TM2D1: variants seen among roughly 807,000 people sequenced by gnomAD.
TM2D1 encodes the protein TM2 domain containing 1, also known as TM2 domain-containing protein 1.
TM2D1 carries 15 observed loss-of-function variants against 28.4 expected under a neutral mutation model. The ratio of observed to expected loss-of-function variants is 0.53; its 90% CI spans 0.35 to 0.81. The LOEUF is 0.81. TM2D1 is among the 40% of genes least tolerant of loss of function. The pLI, the probability that TM2D1 is intolerant of heterozygous loss-of-function variation, is 0.01. For missense variants in TM2D1, 236 were observed against 254.9 expected, an observed-to-expected ratio of 0.93 and a Z score of 0.50; for synonymous variants, 93 against 96.2, an observed-to-expected ratio of 0.97 and a Z score of 0.20.
At chr1:61,705,484 C>T (rs1244093812) in intron 3 of TM2D1, among the ~76,000 whole-genome samples, 3 of 152,128 alleles carry the variant, frequency 2.0e-5, no homozygotes, top group Admixed American at 6.6e-5. Context: ...CCACACCTGG[C>T]TCATTTCTCT....
At chr1:61,696,589 G>A (rs963237893) in intron 4 of TM2D1, among the ~76,000 whole-genome samples, 1 of 151,462 alleles carries the variant, frequency 6.6e-6, no homozygotes, top group East Asian at 1.9e-4. Context: ...AGAATATTAA[G>A]TATAGTCCCT....
chr1:61,724,263 T>G, intron 1 of TM2D1: 1 of 152,430 alleles, frequency 6.6e-6, no homozygotes, highest in Non-Finnish European at 1.5e-5. Flanking sequence ...GTAAACCCCG[T>G]CTCTACTAAA....
At chr1:61,704,601 T>C (rs760034320) in intron 3 of TM2D1, among the ~76,000 whole-genome samples, 72 of 151,942 alleles carry the variant, frequency 4.7e-4, no homozygotes, top group Non-Finnish European at 1.8e-4. Context: ...CCGGCTAATG[T>C]TTGTATTTTC....
At chr1:61,699,465 G>A (rs1013421288) in intron 4 of TM2D1, 3 of 152,228 alleles carry the variant, frequency 2.0e-5, no homozygotes, top group Non-Finnish European at 4.4e-5. Context: ...TTTTATAATC[G>A]GACCATAGAC....
intron 2 of TM2D1, among the ~76,000 whole-genome samples, chr1:61,713,328 A>C (rs569924580): frequency 1.8e-4 from 27 of 151,940 alleles, no homozygotes; most frequent in Admixed American, 3.9e-4. Flanking sequence ...AATACAAAAA[A>C]TTAGCCAGGC....
intron 2 of TM2D1, among the ~76,000 whole-genome samples, chr1:61,721,838 A>C (rs1644566973): frequency 6.6e-6 from 1 of 151,490 alleles, no homozygotes; most frequent in Non-Finnish European, 1.5e-5. Context: ...AGCCAGGCAC[A>C]GTGGCTCATG....
chr1:61,714,276 C>G (rs541416729), intron 2 of TM2D1, among the ~76,000 whole-genome samples: 1 of 151,396 alleles, frequency 6.6e-6, no homozygotes, highest in Admixed American at 6.6e-5. Flanking sequence ...GGCGCAGTGG[C>G]TCACACCTGT....
Position 61,708,240 on chromosome 1 carries a change from G to A in TM2D1, c.347+1089C>T, listed in dbSNP as rs182900958. Among the ~76,000 whole-genome samples, 85 of 152,092 alleles carry A rather than the reference G, an allele frequency of 5.6e-4. 1 individual carries two copies. Among genetic ancestry groups the A allele is most frequent in the African/African-American group, 2.0e-3 (81 of 41,514 alleles). ...TTTTTGTATTTTTTTGTAGAGACAG[G>A]GTCTCCCTACTTTGCCCAGGTTGGT... is the stretch of plus-strand genomic sequence containing the variant. On this transcript the variant is annotated intron_variant, in intron 3 of 6. Coordinates refer to ENST00000606498, the MANE Select transcript of TM2D1 (RefSeq NM_032027.3).
At chr1:61,690,649 A>G (rs1367749210) in intron 5 of TM2D1, among the ~76,000 whole-genome samples, 1 of 152,174 alleles carries the variant, frequency 6.6e-6, no homozygotes, top group Non-Finnish European at 1.5e-5. Flanking sequence ...GGCATACTGC[A>G]TACAGTTTCA....
chr1:61,694,001 C>T (rs1265921179), intron 5 of TM2D1, among the ~76,000 whole-genome samples: 6 of 152,160 alleles, frequency 3.9e-5, no homozygotes, highest in Admixed American at 2.6e-4. Context: ...AAACTATGCC[C>T]GCCCCCAGTC....
intron 5 of TM2D1, among the ~76,000 whole-genome samples, chr1:61,686,186 T>C (rs1644284200): frequency 6.6e-6 from 1 of 151,924 alleles, no homozygotes; most frequent in South Asian, 2.1e-4. Context: ...TACAGTATTT[T>C]TAAAGTTTTA....
chr1:61,706,607 G>A (rs1164181224), intron 3 of TM2D1, among the ~76,000 whole-genome samples: 2 of 151,740 alleles, frequency 1.3e-5, no homozygotes, highest in African/African-American at 4.8e-5. Context: ...TCAGGAGTTC[G>A]AGACCAGCCT....
At chr1:61,696,086 T>C (rs1226557818) in intron 4 of TM2D1, 1 of 152,236 alleles carries the variant, frequency 6.6e-6, no homozygotes, top group Non-Finnish European at 1.5e-5. Flanking sequence ...CTCCTTTAGT[T>C]TTTTCATTAG....
At chr1:61,697,730 T>TG (rs1184929023) in intron 4 of TM2D1, 1 of 152,350 alleles carries the variant, frequency 6.6e-6, no homozygotes, top group East Asian at 1.9e-4. Context: ...CTACTTCTTG[T>TG]CTCTCCTTGC....
Position 61,694,763 on chromosome 1 carries a change from T to G in TM2D1, c.447A>C (p.Leu149Phe). 6.3e-7 allele frequency: 1 copy of G among 1,596,012 alleles called. No individual in the cohort carries two copies. The change falls in exon 5 of 7, where the codon TTA becomes TTC. Residue 149 changes from leucine to phenylalanine, a missense_variant. Coordinates refer to ENST00000606498, the MANE Select transcript of TM2D1 (RefSeq NM_032027.3). ...FYLGYPALGL[L>F]KFCTVGFCGI... ...CACAAAACCCTACAGTGCAAAACTTTAACAAACCTAGAAAAGAAGGTAAAG... is the reference window on the plus strand; with the variant it reads ...CACAAAACCCTACAGTGCAAAACTTGAACAAACCTAGAAAAGAAGGTAAAG...
Position 61,724,981 on chromosome 1 carries a change from T to G in TM2D1, c.140A>C (p.Lys47Thr). ...ATSAGGEESLKCEDLKVGQYI... is the reference protein window; with the variant it reads ...ATSAGGEESLTCEDLKVGQYI... Reference sequence around the variant, plus strand: ...TTGTCCCACTTTGAGGTCCTCGCACTTAAGCGACTCCTCGCCCCCGGCGGA... The same window carrying G: ...TTGTCCCACTTTGAGGTCCTCGCACGTAAGCGACTCCTCGCCCCCGGCGGA... The change falls in exon 1 of 7, where the codon AAG (lysine) becomes ACG (threonine). Residue 47 changes from lysine (K) to threonine (T), a missense_variant. Lys to Thr is a moderately conservative substitution (Grantham distance 78, BLOSUM62 -1). Transcript: ENST00000606498. 6.2e-7 allele frequency: 1 copy of G among 1,605,950 alleles called. No homozygotes were observed. The highest frequency in any genetic ancestry group is 8.5e-7 in the Non-Finnish European group (1 of 1,173,536).
At chr1:61,701,376 A>G (rs1286638) in intron 3 of TM2D1, among the ~76,000 whole-genome samples, 133 of 149,072 alleles carry the variant, frequency 8.9e-4, no homozygotes, top group African/African-American at 3.2e-3. Context: ...AGCCATTTAA[A>G]TGGAGTGGTA....
chr1:61,701,890 G>A (rs572839277), intron 3 of TM2D1, among the ~76,000 whole-genome samples: 44 of 152,254 alleles, frequency 2.9e-4, no homozygotes, highest in African/African-American at 1.0e-3. Flanking sequence ...GGGAAAAGGA[G>A]AAGTCAAGAA....
intron 2 of TM2D1, among the ~76,000 whole-genome samples, chr1:61,719,232 T>C (rs530265105): frequency 9.9e-5 from 15 of 152,196 alleles, no homozygotes; most frequent in African/African-American, 3.4e-4. Flanking sequence ...TAGTTTTTTG[T>C]AGAGACGGGG....
Sources: gnomAD v4.1 joint callset for allele counts (sites outside exome capture counted in the v4.1 genomes callset) on GRCh38, gnomAD v4.1.1 for gene constraint, MANE v1.5 for transcripts, NCBI Gene and HGNC (gene_info 2026-07-23, HGNC 2026-07-21) for gene names.